The following CMTM4 variants were observed in gnomAD, a reference collection of about 807,000 sequenced individuals.
CMTM4 encodes the protein CKLF-like MARVEL transmembrane domain-containing protein 4.
CMTM4 carries 8 observed loss-of-function variants against 19.0 expected under a neutral mutation model. That is an observed-to-expected ratio of 0.42 (90% CI 0.25 to 0.76). The LOEUF (loss-of-function observed/expected upper bound fraction) is 0.76, where lower values mean the gene tolerates loss of function less well. Among genes scored for constraint, CMTM4 ranks in the 30% least tolerant of loss-of-function variants. The pLI is 0.27. For synonymous variants in CMTM4, 106 were observed against 121.1 expected (o/e 0.88, Z 0.82); for missense variants, 228 against 290.2 (o/e 0.79, Z 1.56).
chr16:66,677,348 C>T (rs1283672485), intron 1 of CMTM4, among the ~76,000 whole-genome samples: 1 of 152,254 alleles, frequency 6.6e-6, no homozygotes, highest in Non-Finnish European at 1.5e-5. Flanking sequence ...CCCTGCCTCA[C>T]CCTGGCCCAC....
chr16:66,654,381 T>C (rs2016361905), intron 1 of CMTM4, among the ~76,000 whole-genome samples: 1 of 152,146 alleles, frequency 6.6e-6, no homozygotes, highest in Non-Finnish European at 1.5e-5. Flanking sequence ...TCCTGTCACA[T>C]GGCAGGTGCT....
chr16:66,610,147 C>G, downstream of CMTM4: 1 of 1,012,750 alleles, frequency 9.9e-7, no homozygotes, highest in South Asian at 1.5e-5. This position sits in a 1 kb window ranked among gnomAD's most constrained non-coding sequence, Gnocchi z 4.6. Flanking sequence ...TCTCACCTAC[C>G]CTCATGCAGC....
At chr16:66,681,075 A>G (rs1306230147) in intron 1 of CMTM4, among the ~76,000 whole-genome samples, 2 of 152,176 alleles carry the variant, frequency 1.3e-5, no homozygotes, top group Non-Finnish European at 2.9e-5. Context: ...TTTGGATAGT[A>G]TATTTTATGC....
chr16:66,685,470 C>T (rs1029784569), intron 1 of CMTM4, among the ~76,000 whole-genome samples: 3 of 151,968 alleles, frequency 2.0e-5, no homozygotes, highest in Non-Finnish European at 2.9e-5. Flanking sequence ...GTAGGCCACA[C>T]GTGTGGTGCA....
chr16:66,645,288 G>T (rs1462367150), intron 1 of CMTM4, among the ~76,000 whole-genome samples: 1 of 141,558 alleles, frequency 7.1e-6, no homozygotes, highest in Non-Finnish European at 1.5e-5. Context: ...CCATCTCAAA[G>T]AAAAAACATG....
chr16:66,693,202 C>T (rs1211107619), intron 1 of CMTM4, among the ~76,000 whole-genome samples: 1 of 151,868 alleles, frequency 6.6e-6, no homozygotes, highest in Non-Finnish European at 1.5e-5. Flanking sequence ...CCATCCTGGG[C>T]ATCAAGAACA....
At position 66,618,929 on chromosome 16, in the gene CMTM4, GC is replaced by G. The variant is rs2015576918; in HGVS notation, c.*3128del. ...AAGCGCTCAGAGCTGGGCCGGACTT[GC>G]CCATGCTGGCTTCAGCTCACATTGC... On this transcript the variant is annotated 3_prime_UTR_variant, in exon 4 of 4. Transcript: ENST00000394106. 5.1e-6 allele frequency: 5 copies of G among 985,412 alleles called. No homozygotes were observed. In the Admixed American group the frequency reaches 3.1e-4, roughly 61 times the overall value. The allele number at this position is 985,412 out of a possible 1,614,324, so 61.0% of individuals were successfully genotyped here.
At chr16:66,683,132 TATATATATATATATGTATATATATATAC>T (rs1252325871) in intron 1 of CMTM4, among the ~76,000 whole-genome samples, 1 of 118,264 alleles carries the variant, frequency 8.5e-6, no homozygotes, top group East Asian at 2.8e-4. Flanking sequence ...TGTGTGTGTA[TATATATATATATATGTATATATATATAC>T]GTATATATAT....
intron 1 of CMTM4, among the ~76,000 whole-genome samples, chr16:66,668,464 C>G (rs1238649452): frequency 6.6e-6 from 1 of 152,088 alleles, no homozygotes. Context: ...TTTTTCTTTA[C>G]TATTCTTAGA....
chr16:66,604,835 G>C, the CMTM4 span: 1 of 1,327,862 alleles, frequency 7.5e-7, no homozygotes. Flanking sequence ...ACCCCGACCC[G>C]GACCCCGAGC....
intron 1 of CMTM4, among the ~76,000 whole-genome samples, chr16:66,683,153 A>G (rs1567432077): frequency 8.0e-6 from 1 of 124,764 alleles, no homozygotes; most frequent in Non-Finnish European, 1.6e-5. Context: ...ATATGTATAT[A>G]TATATACGTA....
intron 1 of CMTM4, among the ~76,000 whole-genome samples, chr16:66,677,631 A>G (rs1442065371): frequency 6.6e-6 from 1 of 152,072 alleles, no homozygotes; most frequent in East Asian, 1.9e-4. Context: ...ACTCCTAATC[A>G]TTCTAGCCTG....
chr16:66,640,692 AT>A (rs2016084104), intron 1 of CMTM4, among the ~76,000 whole-genome samples: 1 of 152,182 alleles, frequency 6.6e-6, no homozygotes, highest in African/African-American at 2.4e-5. Context: ...GGGCTGACCT[AT>A]TACCTTGCAG....
chr16:66,609,594 G>C, the CMTM4 span: 1 of 1,529,684 alleles, frequency 6.5e-7, no homozygotes, highest in Non-Finnish European at 8.9e-7. This position sits in a 1 kb window ranked among gnomAD's most constrained non-coding sequence, Gnocchi z 4.4. Flanking sequence ...TTTAGGGTGG[G>C]ACCTGGGGCA....
At chr16:66,604,907 G>T in the CMTM4 span, 1 of 1,472,096 alleles carries the variant, frequency 6.8e-7, no homozygotes, top group South Asian at 1.3e-5. Flanking sequence ...TGCCGGCGCG[G>T]GCTTTCCTCT....
chr16:66,666,280 G>A (rs1286535003), intron 1 of CMTM4, among the ~76,000 whole-genome samples: 2 of 151,762 alleles, frequency 1.3e-5, no homozygotes, highest in African/African-American at 2.4e-5. Context: ...GTGAAACCCC[G>A]TCTCTACTAA....
At chr16:66,647,494 C>G (rs1194085267) in intron 1 of CMTM4, among the ~76,000 whole-genome samples, 1 of 152,030 alleles carries the variant, frequency 6.6e-6, no homozygotes, top group African/African-American at 2.4e-5. Flanking sequence ...ATGACATCAC[C>G]TAGAAATACG....
At chr16:66,601,107 CTGTGTG>C in the CMTM4 span, among the ~76,000 whole-genome samples, 882 of 143,028 alleles carry the variant, frequency 6.2e-3, 7 homozygotes, top group African/African-American at 0.018. Flanking sequence ...GTGTGTGTGT[CTGTGTG>C]TGTGTGTGTG....
chr16:66,683,109 TTGTG>T (rs540380218), intron 1 of CMTM4, among the ~76,000 whole-genome samples: 90 of 132,340 alleles, frequency 6.8e-4, no homozygotes, highest in East Asian at 1.3e-3. Flanking sequence ...TAGAGTCTAG[TTGTG>T]TGTGTGTGTG....
Sources: gnomAD v4.1 joint callset for allele counts (sites outside exome capture counted in the v4.1 genomes callset) on GRCh38, gnomAD v4.1.1 for gene constraint, Gnocchi (gnomAD v3.1) non-coding constraint, MANE v1.5 for transcripts, NCBI Gene and HGNC (gene_info 2026-07-23, HGNC 2026-07-21) for gene names.